Variants in MAP3K3 observed in about 807,000 individuals in gnomAD.
MAP3K3 encodes the protein mitogen-activated protein kinase kinase kinase 3.
In MAP3K3, 12 loss-of-function variants were observed where a neutral mutation model predicts 80.9. That is an observed-to-expected ratio of 0.15 (90% CI 0.10 to 0.24). The LOEUF is 0.24. MAP3K3 is among the 10% of genes least tolerant of loss of function. MAP3K3 has a pLI of 1.00. For synonymous variants in MAP3K3, 272 were observed against 307.1 expected (o/e 0.89, Z 1.19); for missense variants, 596 against 834.7 (o/e 0.71, Z 3.52).
intron 7 of MAP3K3, 62 bp downstream of exon 7, chr17:63,681,961 G>T (rs1018920218): frequency 4.6e-6 from 6 of 1,307,422 alleles, no homozygotes; most frequent in South Asian, 2.8e-5. Context: ...CTCATAACAA[G>T]GGGTTCTTAG....
intron 6 of MAP3K3, among the ~76,000 whole-genome samples, chr17:63,672,218 G>A (rs1397272413): frequency 1.3e-5 from 2 of 151,512 alleles, no homozygotes; most frequent in East Asian, 3.9e-4. Context: ...GGGAGGCGGA[G>A]GTTGCAGTGA....
chr17:63,628,106 A>G (rs370488541), intron 1 of MAP3K3, among the ~76,000 whole-genome samples: 53 of 150,550 alleles, frequency 3.5e-4, no homozygotes, highest in Middle Eastern at 3.5e-3. Flanking sequence ...AGGTTTCACC[A>G]TGTTGACCAG....
At chr17:63,664,098 A>AAT (rs1598095187) in intron 5 of MAP3K3, among the ~76,000 whole-genome samples, 1 of 147,130 alleles carries the variant, frequency 6.8e-6, no homozygotes, top group Non-Finnish European at 1.5e-5. Flanking sequence ...AAAAAAAAAA[A>AAT]TAGCCGGGCG....
intron 6 of MAP3K3, among the ~76,000 whole-genome samples, chr17:63,672,149 G>A (rs2035123068): frequency 6.6e-6 from 1 of 151,766 alleles, no homozygotes; most frequent in African/African-American, 2.4e-5. Context: ...TGGGTGTGGT[G>A]GCATGCGCCT....
In MAP3K3 at chr17:63,659,402, A is replaced by C. The variant is rs967299347; in HGVS notation, c.381+1495A>C. On this transcript the variant is annotated intron_variant, in intron 5 of 15. Coordinates refer to ENST00000361733, the MANE Select transcript of MAP3K3 (RefSeq NM_002401.5). ...CACCTAGACTTTAGGCTTCTTAATAAATGGAAGAATTATGATCCAAAATTG... is the reference window on the plus strand; with the variant it reads ...CACCTAGACTTTAGGCTTCTTAATACATGGAAGAATTATGATCCAAAATTG... Among the ~76,000 whole-genome samples the C allele has an allele frequency of 5.9e-5, 9 of 152,266 alleles. 1 individual carries two copies. Among genetic ancestry groups the C allele is most frequent in the Admixed American group, 5.2e-4 (8 of 15,284 alleles).
chr17:63,650,355 G>A (rs567631645), intron 3 of MAP3K3, among the ~76,000 whole-genome samples: 1 of 152,088 alleles, frequency 6.6e-6, no homozygotes, highest in South Asian at 2.1e-4. Flanking sequence ...AGGCTGGAGT[G>A]CAGTGGTGTG....
chr17:63,667,158 A>G, intron 6 of MAP3K3, 98 bp downstream of exon 6: 1 of 1,323,370 alleles, frequency 7.6e-7, no homozygotes, highest in Non-Finnish European at 1.0e-6. Flanking sequence ...TCAAATATTT[A>G]TTAACTATTA....
intron 3 of MAP3K3, among the ~76,000 whole-genome samples, chr17:63,649,219 C>G (rs980704507): frequency 4.6e-5 from 7 of 151,956 alleles, no homozygotes; most frequent in Admixed American, 2.0e-4. Flanking sequence ...GGAAGATTAC[C>G]TGAGGTCAGG....
intron 2 of MAP3K3, among the ~76,000 whole-genome samples, chr17:63,639,789 G>A (rs137945289): frequency 3.3e-4 from 51 of 152,276 alleles, no homozygotes; most frequent in African/African-American, 1.2e-3. Context: ...GAAAGTTGTA[G>A]GAGATCAGTG....
Position 63,682,683 on chromosome 17 carries a change from T to TGCAGTTCCTTGCCATGG in MAP3K3, c.636+786_636+802dup, listed in dbSNP as rs1279107748. ...CTGAGTTCCCTTCCTAGAGGCCACCTGCAGTTCCTTGCCATGGGGCCCTCT... is the reference window on the plus strand; with the variant it reads ...CTGAGTTCCCTTCCTAGAGGCCACCTGCAGTTCCTTGCCATGGGCAGTTCCTTGCCATGGGGCCCTCT... On this transcript the variant is annotated intron_variant, in intron 7 of 15. Transcript: ENST00000361733. The TGCAGTTCCTTGCCATGG allele has an allele frequency of 5.9e-5, 9 of 152,400 alleles. No homozygotes were observed. The East Asian group carries it at 1.7e-3, about 29-fold the overall frequency. 9.4% of individuals were successfully genotyped at this position (152,400 alleles called of 1,614,324 possible).
At chr17:63,662,110 T>A (rs2034904621) in intron 5 of MAP3K3, among the ~76,000 whole-genome samples, 1 of 138,728 alleles carries the variant, frequency 7.2e-6, no homozygotes, top group African/African-American at 2.7e-5. Flanking sequence ...CTCATCTCAA[T>A]AATAATAACA....
chr17:63,642,114 A>G (rs1269291600), intron 2 of MAP3K3, among the ~76,000 whole-genome samples: 2 of 152,226 alleles, frequency 1.3e-5, no homozygotes, highest in Non-Finnish European at 2.9e-5. Context: ...ATTTGGGCAT[A>G]TCATGTGGTT....
chr17:63,639,952 A>C (rs76113899), intron 2 of MAP3K3, among the ~76,000 whole-genome samples: 2,559 of 152,228 alleles, frequency 0.017, 65 homozygotes, highest in African/African-American at 0.059. Context: ...AAAGGGTCTC[A>C]CTGAAGGTGA....
At chr17:63,655,123 CT>C (rs1404784075) in intron 4 of MAP3K3, among the ~76,000 whole-genome samples, 3 of 152,006 alleles carry the variant, frequency 2.0e-5, no homozygotes, top group African/African-American at 7.3e-5. Context: ...CTGGGGAGGC[CT>C]AGCAAACTTA....
At chr17:63,662,938 G>C (rs1046127735) in intron 5 of MAP3K3, among the ~76,000 whole-genome samples, 1 of 151,774 alleles carries the variant, frequency 6.6e-6, no homozygotes, top group Non-Finnish European at 1.5e-5. Context: ...GCCTCCCAAA[G>C]TGCTGGGATT....
chr17:63,676,572 G>C (rs1302739327), intron 6 of MAP3K3, among the ~76,000 whole-genome samples: 1 of 152,196 alleles, frequency 6.6e-6, no homozygotes, highest in Admixed American at 6.5e-5. Context: ...AGAGTGTGTT[G>C]GTCAGAGTTC....
At chr17:63,658,391 C>T (rs1358736039) in intron 5 of MAP3K3, among the ~76,000 whole-genome samples, 1 of 152,144 alleles carries the variant, frequency 6.6e-6, no homozygotes, top group Non-Finnish European at 1.5e-5. Flanking sequence ...GGTTGGGGGC[C>T]TCTTATAACT....
rs377534151 is a variant in MAP3K3 at position 63,688,778 on chromosome 17, G to C, written c.779-11G>C. The C allele has an allele frequency of 1.3e-6, 2 of 1,599,976 alleles. No individual in the cohort carries two copies. Among genetic ancestry groups the C allele is most frequent in the South Asian group, 1.1e-5 (1 of 90,822 alleles). ...CTACCCAGAAGCCAGTGATTCCCCT[G>C]TCTTACTCAGATCGGGAAACTCAGC... On this transcript the variant is annotated splice_polypyrimidine_tract_variant and intron_variant, in intron 9 of 15. Transcript: ENST00000361733.
At position 63,691,146 on chromosome 17, in the gene MAP3K3, G is replaced by A. The variant is rs1330796721; in HGVS notation, c.1257G>A (p.Leu419=). The A allele has an allele frequency of 1.2e-6, 2 of 1,614,198 alleles. No individual in the cohort carries two copies. The highest frequency in any genetic ancestry group is 1.7e-6 in the Non-Finnish European group (2 of 1,180,034). Residue 419 remains leucine, a synonymous_variant, in exon 13 of 16, where the codon TTG becomes TTA. Coordinates refer to ENST00000361733, the MANE Select transcript of MAP3K3 (RefSeq NM_002401.5). This position sits in a 1 kb window ranked among gnomAD's most constrained non-coding sequence, Gnocchi z 4.8. ...GCGAGATCCAGTTGCTAAAGAACTT[G>A]CAGCATGAGCGCATCGTGCAGTACT... ...LECEIQLLKN[L]QHERIVQYYG... is the part of the protein sequence containing the mutation.
Sources: allele counts gnomAD v4.1 joint callset (sites outside exome capture counted in the v4.1 genomes callset), GRCh38; gene constraint gnomAD v4.1.1; non-coding constraint Gnocchi (gnomAD v3.1); transcripts MANE v1.5; gene names NCBI Gene and HGNC (gene_info 2026-07-23, HGNC 2026-07-21).